The following RIMS2 variants were observed in gnomAD, a reference collection of about 807,000 sequenced individuals.
The protein encoded by RIMS2 is regulating synaptic membrane exocytosis protein 2.
A neutral mutation model predicts 174.4 loss-of-function variants in RIMS2; 59 were observed. That is an observed-to-expected ratio of 0.34 (90% CI 0.27 to 0.42). The LOEUF is 0.42. Ranked by LOEUF, RIMS2 falls within the 10% of genes least tolerant of loss-of-function variation. The pLI, the probability that RIMS2 is intolerant of heterozygous loss-of-function variation, is 1.00. For missense variants in RIMS2, 1,620 were observed against 1,666.3 expected, an observed-to-expected ratio of 0.97 and a Z score of 0.48; for synonymous variants, 606 against 572.5, an observed-to-expected ratio of 1.06 and a Z score of -0.84.
intron 1 of RIMS2, among the ~76,000 whole-genome samples, chr8:103,694,009 T>C (rs1290027312): frequency 6.6e-6 from 1 of 152,018 alleles, no homozygotes; most frequent in African/African-American, 2.4e-5. Flanking sequence ...CCCGAGTCTT[T>C]TAGGGTGGAA....
intron 19 of RIMS2, among the ~76,000 whole-genome samples, chr8:104,238,644 T>C (rs1193881333): frequency 6.6e-6 from 1 of 152,106 alleles, no homozygotes; most frequent in African/African-American, 2.4e-5. Context: ...AAAAGTCTTC[T>C]ACCAAAGACA....
intron 17 of RIMS2, among the ~76,000 whole-genome samples, chr8:104,002,129 T>G (rs973581182): frequency 2.0e-5 from 3 of 152,140 alleles, no homozygotes; most frequent in African/African-American, 7.2e-5. Context: ...GAAATTGTTC[T>G]AGCTCTAAAA....
At chr8:104,117,753 C>A (rs2132122177) in intron 19 of RIMS2, among the ~76,000 whole-genome samples, 1 of 152,242 alleles carries the variant, frequency 6.6e-6, no homozygotes, top group South Asian at 2.1e-4. Context: ...ATCAAAGAAA[C>A]CCTAATATCT....
At chr8:103,885,264 C>T (rs2099193061) in intron 3 of RIMS2, 34 bp from the exon 7 acceptor site, 1 of 1,517,452 alleles carries the variant, frequency 6.6e-7, no homozygotes, top group African/African-American at 1.4e-5. Flanking sequence ...TAAACTTTTG[C>T]TCTTCTCATT....
intron 19 of RIMS2, among the ~76,000 whole-genome samples, chr8:104,078,306 G>A (rs2097340023): frequency 6.6e-6 from 1 of 152,138 alleles, no homozygotes; most frequent in African/African-American, 2.4e-5. Flanking sequence ...GATTAGGGCT[G>A]CTATAACAAA....
At chr8:104,223,465 G>T in intron 19 of RIMS2, 10 of 1,375,856 alleles carry the variant, frequency 7.3e-6, no homozygotes, top group Non-Finnish European at 9.3e-6. Context: ...TAAATTGGAG[G>T]TCCCGGCGGC....
intron 3 of RIMS2, among the ~76,000 whole-genome samples, chr8:103,801,973 A>G (rs2098611319): frequency 6.6e-6 from 1 of 152,212 alleles, no homozygotes; most frequent in Non-Finnish European, 1.5e-5. Flanking sequence ...AGCGTCATAT[A>G]TTCATTTGTA....
intron 19 of RIMS2, among the ~76,000 whole-genome samples, chr8:104,100,940 T>C (rs1416615023): frequency 3.5e-5 from 4 of 113,330 alleles, no homozygotes; most frequent in Non-Finnish European, 6.5e-5. Context: ...ATATATTATA[T>C]ATTATATAGT....
intron 4 of RIMS2, among the ~76,000 whole-genome samples, chr8:103,898,014 C>T (rs183887540): frequency 6.6e-6 from 1 of 151,508 alleles, no homozygotes; most frequent in Admixed American, 6.6e-5. Flanking sequence ...ACCTACCACG[C>T]GTTGTGCTTC....
Position 104,223,405 on chromosome 8 carries a change from G to T in RIMS2, c.3335-21511G>T, listed in dbSNP as rs954001566. On this transcript the variant is annotated intron_variant, in intron 19 of 23. Coordinates refer to ENST00000504942, the Ensembl canonical transcript of RIMS2. ...AGACCTCGGACGTTCACTGCGAGCA[G>T]CCGCTCCGCCCGCCACCGCCTCCAT... 6 of 1,269,876 alleles carry T rather than the reference G, an allele frequency of 4.7e-6. No individual in the cohort carries two copies. The Admixed American group carries it at 1.7e-4, about 35-fold the overall frequency. The allele number at this position is 1,269,876 out of a possible 1,614,324, so 78.7% of individuals were successfully genotyped here. A position where few individuals can be genotyped will look rare whatever the true frequency, so the allele number is the denominator to read the frequency against.
At chr8:103,703,406 T>G (rs547614994) in intron 2 of RIMS2, among the ~76,000 whole-genome samples, 1 of 152,182 alleles carries the variant, frequency 6.6e-6, no homozygotes, top group Non-Finnish European at 1.5e-5. Context: ...CCCAGCTAAT[T>G]TTTGTATTCA....
At chr8:103,791,613 G>T (rs1318870011) in intron 3 of RIMS2, among the ~76,000 whole-genome samples, 1 of 152,108 alleles carries the variant, frequency 6.6e-6, no homozygotes, top group Non-Finnish European at 1.5e-5. Flanking sequence ...CCAATTAAAA[G>T]ACACAGACTG....
At chr8:103,761,515 A>G (rs2098112927) in intron 2 of RIMS2, among the ~76,000 whole-genome samples, 2 of 152,162 alleles carry the variant, frequency 1.3e-5, no homozygotes, top group East Asian at 1.9e-4. Context: ...TGGCTTCCTT[A>G]TCTCCAAGGT....
intron 2 of RIMS2, among the ~76,000 whole-genome samples, chr8:103,734,592 C>A (rs919574950): frequency 2.6e-5 from 4 of 151,656 alleles, no homozygotes; most frequent in Non-Finnish European, 4.4e-5. Context: ...GGAGTATCTG[C>A]AGGTTTTCTC....
intron 17 of RIMS2, among the ~76,000 whole-genome samples, chr8:103,993,871 C>T (rs2094890680): frequency 6.6e-6 from 1 of 151,608 alleles, no homozygotes; most frequent in Non-Finnish European, 1.5e-5. Flanking sequence ...CACAAACACA[C>T]ACAAAAAATA....
chr8:103,986,140 C>T (rs1245115902), intron 16 of RIMS2, among the ~76,000 whole-genome samples: 1 of 152,136 alleles, frequency 6.6e-6, no homozygotes, highest in Non-Finnish European at 1.5e-5. Flanking sequence ...TGTTAAATAG[C>T]TTGATTTAGC....
chr8:103,642,930 C>T (rs1372348957), intron 1 of RIMS2, among the ~76,000 whole-genome samples: 1 of 151,790 alleles, frequency 6.6e-6, no homozygotes, highest in Non-Finnish European at 1.5e-5. Context: ...CTCTGAGCTT[C>T]CTGGATTCAT....
intron 1 of RIMS2, among the ~76,000 whole-genome samples, chr8:103,631,202 T>C (rs1770709055): frequency 6.6e-6 from 1 of 152,228 alleles, no homozygotes. Flanking sequence ...CCTGTTCCTA[T>C]GTCCAGGATG....
chr8:103,849,400 G>A (rs1053407647), intron 3 of RIMS2, among the ~76,000 whole-genome samples: 1 of 152,096 alleles, frequency 6.6e-6, no homozygotes, highest in African/African-American at 2.4e-5. Context: ...CTTTAAGGAG[G>A]TGATGGAAGC....
Sources: allele counts gnomAD v4.1 joint callset (sites outside exome capture counted in the v4.1 genomes callset), GRCh38; gene constraint gnomAD v4.1.1; transcripts MANE v1.5; gene names NCBI Gene and HGNC (gene_info 2026-07-23, HGNC 2026-07-21).